The following LSAMP variants were observed in gnomAD, a reference collection of about 807,000 sequenced individuals.
LSAMP encodes limbic system-associated membrane protein.
Under a neutral mutation model 38.6 loss-of-function variants are expected in LSAMP, and 7 were observed. The observed-to-expected ratio is 0.18, with a 90% CI of 0.10 to 0.34. The LOEUF (loss-of-function observed/expected upper bound fraction) is 0.34, where lower values mean the gene tolerates loss of function less well. Ranked by LOEUF, LSAMP falls within the 10% of genes least tolerant of loss-of-function variation. LSAMP has a pLI of 1.00. For missense variants in LSAMP, 313 were observed against 420.0 expected (o/e 0.75, Z 2.23); for synonymous variants, 154 against 166.8 (o/e 0.92, Z 0.59).
Position 115,808,152 on chromosome 3 carries a change from C to G in LSAMP, c.*2165G>C, listed in dbSNP as rs1369699854. ...TCCCTCCCTCCCTCCCTCCCTCCCC[C>G]CCTTCCCCGTCCCCCCCTCCCTGCC... On this transcript the variant is annotated 3_prime_UTR_variant, in exon 7 of 7. Transcript: ENST00000490035. 5 of 87,664 alleles carry G rather than the reference C, an allele frequency of 5.7e-5. No homozygotes were observed. The highest frequency in any genetic ancestry group is 4.8e-4 in the East Asian group (1 of 2,090). The allele number at this position is 87,664 out of a possible 1,614,324, so 5.4% of individuals were successfully genotyped here.
At chr3:116,071,284 T>G (rs573885699) in intron 2 of LSAMP, among the ~76,000 whole-genome samples, 1 of 150,298 alleles carries the variant, frequency 6.7e-6, no homozygotes, top group South Asian at 2.1e-4. Context: ...CACAACAACT[T>G]TCACTCTCTG....
intron 2 of LSAMP, among the ~76,000 whole-genome samples, chr3:116,037,243 T>G (rs1055848034): frequency 2.0e-5 from 3 of 152,116 alleles, no homozygotes; most frequent in African/African-American, 7.2e-5. Context: ...AAGAAAAACA[T>G]AAAGGAATTT....
rs570103411 is a variant in LSAMP, at chr3:115,893,683, G to A, written c.515-41066C>T. Among the ~76,000 whole-genome samples the A allele has an allele frequency of 5.9e-5, 9 of 151,802 alleles. No individual in the cohort carries two copies. In the South Asian group the frequency reaches 1.5e-3, roughly 25 times the overall value. On this transcript the variant is annotated intron_variant, in intron 3 of 6. Coordinates refer to ENST00000490035, the MANE Select transcript of LSAMP (RefSeq NM_002338.5). The stretch of plus-strand genomic sequence containing the variant: ...AAGAAGCAATCAAAAATGTTCAAAC[G>A]AAAAAATCAGGAATAAAAGTATTAG...
At chr3:115,837,923 A>C (rs1217136849) in intron 6 of LSAMP, 2 of 152,264 alleles carry the variant, frequency 1.3e-5, no homozygotes, top group African/African-American at 4.8e-5. Context: ...CTGAAGCGGG[A>C]AGATTGCTTT....
chr3:116,207,456 G>C (rs1033693210), intron 1 of LSAMP, among the ~76,000 whole-genome samples: 2 of 149,072 alleles, frequency 1.3e-5, no homozygotes, highest in Non-Finnish European at 3.0e-5. Flanking sequence ...TATGATGTTA[G>C]CTGGTGATTT....
At chr3:116,254,707 C>A (rs924050718) in intron 1 of LSAMP, among the ~76,000 whole-genome samples, 5 of 152,192 alleles carry the variant, frequency 3.3e-5, no homozygotes, top group Non-Finnish European at 4.4e-5. Context: ...TGACTACCAT[C>A]TGTTTAGTGA....
intron 1 of LSAMP, among the ~76,000 whole-genome samples, chr3:116,173,516 T>C (rs375047681): frequency 6.6e-6 from 1 of 152,042 alleles, no homozygotes; most frequent in East Asian, 1.9e-4. Context: ...AATCATTTTC[T>C]GTCACCTTCT....
intron 1 of LSAMP, among the ~76,000 whole-genome samples, chr3:116,162,534 CAT>C (rs1709918787): frequency 6.6e-6 from 1 of 152,106 alleles, no homozygotes; most frequent in East Asian, 1.9e-4. Context: ...CGATCCTCCA[CAT>C]ATTATTTTTA....
chr3:116,234,386 A>G (rs1164808322), intron 1 of LSAMP, among the ~76,000 whole-genome samples: 3 of 152,232 alleles, frequency 2.0e-5, no homozygotes, highest in Non-Finnish European at 4.4e-5. Flanking sequence ...ACTTAGTAAC[A>G]GAAGCACATG....
intron 1 of LSAMP, among the ~76,000 whole-genome samples, chr3:116,260,759 G>C (rs115426444): frequency 9.1e-4 from 138 of 152,230 alleles, no homozygotes; most frequent in African/African-American, 3.2e-3. Flanking sequence ...GGCTTAGAGG[G>C]GAGAAAGCCA....
chr3:116,352,509 G>A (rs1420069777), intron 1 of LSAMP, among the ~76,000 whole-genome samples: 3 of 152,002 alleles, frequency 2.0e-5, no homozygotes, highest in African/African-American at 7.2e-5. Flanking sequence ...GTCAGCTAGG[G>A]AGAAAACTGA....
chr3:116,159,289 G>A (rs533317494), intron 1 of LSAMP, among the ~76,000 whole-genome samples: 22 of 152,096 alleles, frequency 1.4e-4, no homozygotes, highest in East Asian at 5.8e-4. Context: ...TCTGTGAAAC[G>A]TAAGAAACTA....
At chr3:116,141,632 T>C (rs1240838902) in intron 1 of LSAMP, among the ~76,000 whole-genome samples, 1 of 151,828 alleles carries the variant, frequency 6.6e-6, no homozygotes, top group Non-Finnish European at 1.5e-5. Flanking sequence ...CTGGGAGTCA[T>C]CATGTGATTG....
chr3:116,355,246 T>C (rs879701666), intron 1 of LSAMP, among the ~76,000 whole-genome samples: 8 of 152,172 alleles, frequency 5.3e-5, no homozygotes, highest in Non-Finnish European at 1.0e-4. Context: ...ATAATTCTTT[T>C]CTTAAAAAAA....
At chr3:115,887,258 AAG>A in intron 3 of LSAMP, among the ~76,000 whole-genome samples, 1 of 152,052 alleles carries the variant, frequency 6.6e-6, no homozygotes, top group South Asian at 2.1e-4. Flanking sequence ...GTGACTATGT[AAG>A]AGCAACTTTT....
At chr3:116,312,736 G>A (rs1178159345) in intron 1 of LSAMP, among the ~76,000 whole-genome samples, 2 of 152,196 alleles carry the variant, frequency 1.3e-5, no homozygotes, top group African/African-American at 2.4e-5. Context: ...ACTAGAGAGC[G>A]AAAGAAGCCA....
At chr3:116,213,414 C>T (rs924347956) in intron 1 of LSAMP, among the ~76,000 whole-genome samples, 1 of 152,190 alleles carries the variant, frequency 6.6e-6, no homozygotes, top group African/African-American at 2.4e-5. Flanking sequence ...ATATGACTTG[C>T]TCCTCCTAGC....
chr3:116,114,627 C>T (rs1708702452), intron 1 of LSAMP, among the ~76,000 whole-genome samples: 1 of 152,064 alleles, frequency 6.6e-6, no homozygotes, highest in Non-Finnish European at 1.5e-5. Context: ...TTTTTACACT[C>T]ACATATTTAA....
At chr3:115,910,564 G>A (rs1240969627) in intron 3 of LSAMP, among the ~76,000 whole-genome samples, 3 of 152,016 alleles carry the variant, frequency 2.0e-5, no homozygotes, top group South Asian at 4.1e-4. Context: ...TTCTCCCAAC[G>A]TTAACATCTT....
Sources: gnomAD v4.1 joint callset for allele counts (sites outside exome capture counted in the v4.1 genomes callset) on GRCh38, gnomAD v4.1.1 for gene constraint, MANE v1.5 for transcripts, NCBI Gene and HGNC (gene_info 2026-07-23, HGNC 2026-07-21) for gene names.